The following MSI2 variants were observed in gnomAD, a reference collection of about 807,000 sequenced individuals.
MSI2 encodes musashi RNA binding protein 2.
A neutral mutation model predicts 45.6 loss-of-function variants in MSI2; 17 were observed. That is an observed-to-expected ratio of 0.37 (90% confidence interval 0.26 to 0.56). MSI2 has a LOEUF of 0.56. Ranked by LOEUF, MSI2 falls within the 20% of genes least tolerant of loss-of-function variation. MSI2 has a pLI of 0.77. For synonymous variants in MSI2, 156 were observed against 158.2 expected (o/e 0.99, Z 0.11); for missense variants, 293 against 444.2 (o/e 0.66, Z 3.06).
intron 6 of MSI2, among the ~76,000 whole-genome samples, chr17:57,410,082 C>T (rs1301994435): frequency 6.7e-6 from 1 of 149,714 alleles, no homozygotes; most frequent in Non-Finnish European, 1.5e-5. Context: ...ATGATTCCTC[C>T]TCGTAGGGAG....
chr17:57,492,997 C>T (rs1356222614), intron 6 of MSI2, among the ~76,000 whole-genome samples: 3 of 152,164 alleles, frequency 2.0e-5, no homozygotes, highest in African/African-American at 4.8e-5. Context: ...AGTGAGCCAG[C>T]GTAGGATGGG....
chr17:57,598,903 T>A (rs781104425), intron 8 of MSI2, among the ~76,000 whole-genome samples: 4 of 152,234 alleles, frequency 2.6e-5, no homozygotes, highest in Non-Finnish European at 4.4e-5. Flanking sequence ...CGTCAAGTGA[T>A]CCACCTGCCT....
chr17:57,265,423 A>G (rs1050720011), intron 5 of MSI2: 2 of 152,234 alleles, frequency 1.3e-5, no homozygotes, highest in African/African-American at 4.8e-5. Context: ...AAACAAGACT[A>G]GTGGAAAGAA....
chr17:57,390,703 C>T (rs2083774321), intron 5 of MSI2, among the ~76,000 whole-genome samples: 1 of 152,230 alleles, frequency 6.6e-6, no homozygotes, highest in African/African-American at 2.4e-5. Context: ...TATACACTCG[C>T]TCCTAAGAAG....
At chr17:57,279,648 T>G (rs1177241116) in intron 5 of MSI2, 1 of 151,806 alleles carries the variant, frequency 6.6e-6, no homozygotes, top group Non-Finnish European at 1.5e-5. Context: ...TTTCTTTCTT[T>G]TTTCTTTTTT....
intron 3 of MSI2, 106 bp from the exon 4 acceptor site, chr17:57,258,164 T>C: frequency 1.1e-6 from 1 of 906,658 alleles, no homozygotes; most frequent in Admixed American, 1.8e-5. Context: ...TGGGGGTGCG[T>C]GGGGGGCAAC....
intron 7 of MSI2, among the ~76,000 whole-genome samples, chr17:57,555,453 C>T (rs2087412362): frequency 6.6e-6 from 1 of 152,150 alleles, no homozygotes; most frequent in African/African-American, 2.4e-5. Flanking sequence ...ATTCCCTGTC[C>T]GCTGGGGTTC....
chr17:57,614,081 C>T (rs764117104), intron 8 of MSI2, among the ~76,000 whole-genome samples: 8 of 151,958 alleles, frequency 5.3e-5, no homozygotes, highest in East Asian at 1.9e-4. Context: ...GATAGAGTCT[C>T]GCTCTGTCGC....
chr17:57,581,049 G>T lies in MSI2; in HGVS notation c.455-15819G>T, dbSNP rs1438765522. Reference sequence around the variant, plus strand: ...TTTTTTTGAGACACAGTCTCGCTTTGTCACCCAGGCTGGAGTGCAGTGGCA... The same window carrying T: ...TTTTTTTGAGACACAGTCTCGCTTTTTCACCCAGGCTGGAGTGCAGTGGCA... On this transcript the variant is annotated intron_variant, in intron 7 of 13. Transcript: ENST00000284073. Among the ~76,000 whole-genome samples, 3 of 96,588 alleles carry T rather than the reference G, an allele frequency of 3.1e-5. 1 individual carries two copies. The highest frequency in any genetic ancestry group is 3.3e-4 in the Admixed American group (2 of 6,032). The allele number at this position is 96,588 out of a possible 152,430, so 63.4% of individuals were successfully genotyped here. A position where few individuals can be genotyped will look rare whatever the true frequency, so the allele number is the denominator to read the frequency against.
chr17:57,563,098 C>CAA (rs59975200), intron 7 of MSI2, among the ~76,000 whole-genome samples: 5,166 of 68,850 alleles, frequency 0.075, 179 homozygotes, highest in African/African-American at 0.14. Context: ...ACTTCGTCTC[C>CAA]AAAAAAAAAA....
chr17:57,302,361 T>G (rs1478200868), intron 5 of MSI2, among the ~76,000 whole-genome samples: 1 of 152,208 alleles, frequency 6.6e-6, no homozygotes, highest in Non-Finnish European at 1.5e-5. Context: ...CCTCCCACTT[T>G]AGCCTTCTGA....
At chr17:57,289,252 G>A (rs1910193386) in intron 5 of MSI2, among the ~76,000 whole-genome samples, 1 of 152,150 alleles carries the variant, frequency 6.6e-6, no homozygotes, top group Non-Finnish European at 1.5e-5. Context: ...GAGAGGGGAC[G>A]TTTCCACCCA....
chr17:57,346,681 A>T (rs889456122), intron 5 of MSI2, among the ~76,000 whole-genome samples: 1 of 152,036 alleles, frequency 6.6e-6, no homozygotes, highest in African/African-American at 2.4e-5. Context: ...ATCATGGCTC[A>T]TTGTAGCCTC....
At chr17:57,344,491 GGAGT>G (rs1379718445) in intron 5 of MSI2, among the ~76,000 whole-genome samples, 9 of 152,286 alleles carry the variant, frequency 5.9e-5, no homozygotes, top group Non-Finnish European at 1.3e-4. Context: ...CTCCAGACCT[GGAGT>G]TACTCACTTC....
Position 57,682,329 on chromosome 17 carries a change from C to CCA in MSI2, c.*2812_*2813insCA, listed in dbSNP as rs1555643218. The stretch of plus-strand genomic sequence containing the variant: ...GGCGTTTTGTAGATCCCCCCCCCCC[C>CCA]ACCCACTGTGAAGGGGTGCCATACT... On this transcript the variant is annotated 3_prime_UTR_variant, in exon 14 of 14. Coordinates refer to ENST00000284073, the MANE Select transcript of MSI2 (RefSeq NM_138962.4). 1.1e-5 allele frequency: 2 copies of CCA among 175,490 alleles called. No homozygotes were observed. Among genetic ancestry groups the CCA allele is most frequent in the Non-Finnish European group, 2.4e-5 (2 of 83,148 alleles). The allele number at this position is 175,490 out of a possible 1,614,324, so 10.9% of individuals were successfully genotyped here.
downstream of MSI2, among the ~76,000 whole-genome samples, chr17:57,685,233 C>T (rs1913847165): frequency 6.6e-6 from 1 of 152,170 alleles, no homozygotes; most frequent in African/African-American, 2.4e-5. Context: ...CCTCTCTCTA[C>T]CAAACAAACG....
chr17:57,407,636 C>T lies in MSI2; in HGVS notation c.405+6165C>T, dbSNP rs2143156001. Among the ~76,000 whole-genome samples, 1 of 152,284 alleles carries T rather than the reference C, an allele frequency of 6.6e-6. No individual in the cohort carries two copies. The highest frequency in any genetic ancestry group is 2.1e-4 in the South Asian group (1 of 4,830). On this transcript the variant is annotated intron_variant, in intron 6 of 13. Coordinates refer to ENST00000284073, the MANE Select transcript of MSI2 (RefSeq NM_138962.4). The surrounding 1 kb of genome is among the most constrained non-coding windows in gnomAD (Gnocchi z 4.1). ...GGTTGCCCGGGGAGTGGTCAGCCTC[C>T]CGGGCCTCACCCTGTCCTCTGCTCC... is the stretch of plus-strand genomic sequence containing the variant.
intron 3 of MSI2, among the ~76,000 whole-genome samples, chr17:57,257,917 A>G: frequency 6.6e-6 from 1 of 152,284 alleles, no homozygotes; most frequent in East Asian, 1.9e-4. Context: ...CCTCTTAGAA[A>G]GATGGTGGTA....
intron 5 of MSI2, among the ~76,000 whole-genome samples, chr17:57,372,606 T>C (rs973085296): frequency 9.2e-5 from 14 of 152,248 alleles, no homozygotes; most frequent in Admixed American, 2.6e-4. Context: ...CTGTGCCTAT[T>C]TTCTGTTTCT....
Sources: allele counts gnomAD v4.1 joint callset (sites outside exome capture counted in the v4.1 genomes callset), GRCh38; gene constraint gnomAD v4.1.1; non-coding constraint Gnocchi (gnomAD v3.1); transcripts MANE v1.5; gene names NCBI Gene and HGNC (gene_info 2026-07-23, HGNC 2026-07-21).